MALRD1: variants seen among roughly 807,000 people sequenced by gnomAD.
MALRD1 encodes the protein MAM and LDL-receptor class A domain-containing protein 1.
Under a neutral mutation model 242.1 loss-of-function variants are expected in MALRD1, and 247 were observed. The ratio of observed to expected loss-of-function variants is 1.02; its 90% CI spans 0.92 to 1.13. The LOEUF is 1.13. Among genes scored for constraint, MALRD1 ranks in the 50% most tolerant of loss-of-function variants. MALRD1 has a pLI of 0.00. For missense variants in MALRD1, 2,989 were observed against 2,533.1 expected (o/e 1.18, Z -3.86); for synonymous variants, 995 against 866.6 (o/e 1.15, Z -2.60).
chr10:19,101,205 G>T (rs1159143940), intron 4 of MALRD1, among the ~76,000 whole-genome samples: 1 of 149,786 alleles, frequency 6.7e-6, no homozygotes, highest in Non-Finnish European at 1.5e-5. Flanking sequence ...TTGCTATTAA[G>T]TGTTATACCA....
At chr10:19,123,261 G>A (rs974466066) in intron 5 of MALRD1, among the ~76,000 whole-genome samples, 4 of 151,830 alleles carry the variant, frequency 2.6e-5, no homozygotes, top group African/African-American at 9.7e-5. Context: ...CATTGGCATA[G>A]TTGTTTTGTT....
At chr10:19,344,712 A>G (rs1392077539) in intron 24 of MALRD1, among the ~76,000 whole-genome samples, 1 of 133,870 alleles carries the variant, frequency 7.5e-6, no homozygotes, top group African/African-American at 2.7e-5. Context: ...ATTTAATACC[A>G]TGTCAATTGG....
At chr10:19,667,563 G>T (rs1260812627) in intron 36 of MALRD1, among the ~76,000 whole-genome samples, 1 of 151,882 alleles carries the variant, frequency 6.6e-6, no homozygotes, top group Non-Finnish European at 1.5e-5. Context: ...ATGAGAGTTG[G>T]TTATTTAAAA....
chr10:19,237,287 C>T (rs1434832838), intron 18 of MALRD1, among the ~76,000 whole-genome samples: 1 of 150,948 alleles, frequency 6.6e-6, no homozygotes, highest in Non-Finnish European at 1.5e-5. Flanking sequence ...CTCCATTTTG[C>T]CCTCCCCACT....
chr10:19,686,191 C>T (rs921861432), intron 36 of MALRD1, among the ~76,000 whole-genome samples: 1 of 218 alleles, frequency 4.6e-3, no homozygotes, highest in African/African-American at 0.018. Flanking sequence ...GAGTAAAGTA[C>T]ACTGGAAGAG....
At chr10:19,071,037 A>G (rs1835131542) in intron 2 of MALRD1, among the ~76,000 whole-genome samples, 1 of 151,676 alleles carries the variant, frequency 6.6e-6, no homozygotes, top group Non-Finnish European at 1.5e-5. Flanking sequence ...CTTTTAGTAG[A>G]GATGAGGTTC....
intron 22 of MALRD1, 71 bp downstream of exon 22, chr10:19,324,176 A>T: frequency 1.4e-6 from 2 of 1,401,800 alleles, no homozygotes; most frequent in Middle Eastern, 3.6e-4. Flanking sequence ...TGGTATCATT[A>T]AAATATATTC....
intron 28 of MALRD1, among the ~76,000 whole-genome samples, chr10:19,393,397 C>A (rs1846417700): frequency 6.6e-6 from 1 of 151,074 alleles, no homozygotes; most frequent in Non-Finnish European, 1.5e-5. Context: ...ATTTTACTCC[C>A]ACTATTTTAC....
chr10:19,306,123 G>C (rs1158793914), intron 21 of MALRD1, among the ~76,000 whole-genome samples: 33 of 112,802 alleles, frequency 2.9e-4, no homozygotes, highest in South Asian at 5.0e-4. Flanking sequence ...ATACTATCTA[G>C]TATATATAGT....
At chr10:19,432,660 A>G (rs916761761) in intron 28 of MALRD1, among the ~76,000 whole-genome samples, 1 of 152,220 alleles carries the variant, frequency 6.6e-6, no homozygotes, top group African/African-American at 2.4e-5. Flanking sequence ...GATTTTGATA[A>G]GAGAAGTGAA....
At chr10:19,095,156 C>G (rs1013290025) in intron 4 of MALRD1, among the ~76,000 whole-genome samples, 1 of 152,074 alleles carries the variant, frequency 6.6e-6, no homozygotes, top group African/African-American at 2.4e-5. Flanking sequence ...AAATTGGATT[C>G]AATTTTACGT....
At chr10:19,438,879 T>C (rs574517094) in intron 28 of MALRD1, among the ~76,000 whole-genome samples, 92 of 152,214 alleles carry the variant, frequency 6.0e-4, no homozygotes, top group African/African-American at 1.9e-3. Context: ...TTCCACAGGA[T>C]CTATCCCAGG....
chr10:19,118,481 AC>A (rs1029991955), intron 5 of MALRD1, among the ~76,000 whole-genome samples: 2 of 152,172 alleles, frequency 1.3e-5, no homozygotes, highest in Admixed American at 6.5e-5. Flanking sequence ...TTTCTGGTTG[AC>A]CATTGGTTGA....
rs191174551 is a variant in MALRD1 at position 19,661,549 on chromosome 10, G to A, written c.6138-30733G>A. Among the ~76,000 whole-genome samples the A allele has an allele frequency of 5.3e-4, 81 of 152,110 alleles. 1 individual carries two copies. The highest frequency in any genetic ancestry group is 2.1e-3 in the Admixed American group (32 of 15,260). ...CTGTCACAAGGACAAAAAACCAAAC[G>A]CTGCATGTTCTCACTCATAGGTGGG... On this transcript the variant is annotated intron_variant, in intron 36 of 39. Transcript: ENST00000454679.
At chr10:19,724,788 C>G (rs943505004) in intron 38 of MALRD1, 1 of 152,120 alleles carries the variant, frequency 6.6e-6, no homozygotes, top group African/African-American at 2.4e-5. Flanking sequence ...ACATAAACTT[C>G]AGTATTCATA....
In MALRD1 at chr10:19,342,593, G is replaced by A. The variant is rs144788144; in HGVS notation, c.3902-5178G>A. Among the ~76,000 whole-genome samples the A allele has an allele frequency of 9.9e-3, 1,510 of 152,186 alleles. 30 individuals carry two copies. Among genetic ancestry groups the A allele is most frequent in the African/African-American group, 0.034 (1,418 of 41,538 alleles). ...CATATATAAATACTAATCCCAACGT[G>A]GGCTTTCATGAAAGTAACACATTGC... On this transcript the variant is annotated intron_variant, in intron 24 of 39. Transcript: ENST00000454679.
chr10:19,384,496 A>G (rs1386187083), intron 26 of MALRD1, among the ~76,000 whole-genome samples: 1 of 116,626 alleles, frequency 8.6e-6, no homozygotes, highest in Non-Finnish European at 1.7e-5. Flanking sequence ...ATGTAATATA[A>G]TATTTACTAT....
At chr10:19,660,839 A>T (rs943704982) in intron 36 of MALRD1, among the ~76,000 whole-genome samples, 5 of 152,132 alleles carry the variant, frequency 3.3e-5, no homozygotes, top group East Asian at 3.8e-4. Flanking sequence ...TTGTTTAATT[A>T]TGTTTTCCCT....
intron 36 of MALRD1, among the ~76,000 whole-genome samples, chr10:19,664,393 A>AGCAC (rs1841580944): frequency 6.6e-6 from 1 of 151,950 alleles, no homozygotes; most frequent in South Asian, 2.1e-4. Flanking sequence ...GGGATTTTTG[A>AGCAC]TTCAGTAATT....
Sources: gnomAD v4.1 joint callset for allele counts (sites outside exome capture counted in the v4.1 genomes callset) on GRCh38, gnomAD v4.1.1 for gene constraint, MANE v1.5 for transcripts, NCBI Gene and HGNC (gene_info 2026-07-23, HGNC 2026-07-21) for gene names.